The following CTIF variants were observed in gnomAD, a reference collection of about 807,000 sequenced individuals.
CTIF encodes the protein cap binding complex dependent translation initiation factor.
Under a neutral mutation model 66.0 loss-of-function variants are expected in CTIF, and 21 were observed. That is an observed-to-expected ratio of 0.32 (90% CI 0.23 to 0.46). CTIF has a LOEUF of 0.46. Ranked by LOEUF, CTIF falls within the 20% of genes least tolerant of loss-of-function variation. The probability of loss-of-function intolerance (pLI) is 1.00; values close to 1 mark genes in which losing one functional copy is unlikely to be tolerated. For missense variants in CTIF, 739 were observed against 812.7 expected, an observed-to-expected ratio of 0.91 and a Z score of 1.10; for synonymous variants, 345 against 326.4, an observed-to-expected ratio of 1.06 and a Z score of -0.62.
At position 48,857,658 on chromosome 18, in the gene CTIF, C is replaced by T. The variant is rs373878115; in HGVS notation, c.1581+17C>T. On this transcript the variant is annotated intron_variant, in intron 11 of 11. Transcript: ENST00000256413. ...TCTATGGAGGTAAGCTTTGGGGCTT[C>T]GACATCCCCAACCTCAAAGCCGGTG... 2.0e-4 allele frequency: 321 copies of T among 1,596,514 alleles called. No homozygotes were observed. The African/African-American group carries it at 3.7e-3, about 18-fold the overall frequency.
chr18:48,578,688 T>C (rs2143772135), intron 1 of CTIF, among the ~76,000 whole-genome samples: 1 of 152,348 alleles, frequency 6.6e-6, no homozygotes, highest in Non-Finnish European at 1.5e-5. Flanking sequence ...AACTTTTAGT[T>C]TGGTTATTTG....
chr18:48,708,819 C>G (rs972206896), intron 6 of CTIF, among the ~76,000 whole-genome samples: 2 of 152,220 alleles, frequency 1.3e-5, no homozygotes, highest in Non-Finnish European at 2.9e-5. Flanking sequence ...TGTCTTCCTT[C>G]CATGGCCTGA....
chr18:48,646,109 A>T (rs999973807), intron 3 of CTIF, among the ~76,000 whole-genome samples: 6 of 152,214 alleles, frequency 3.9e-5, no homozygotes, highest in Non-Finnish European at 8.8e-5. Context: ...GAAGGACCCT[A>T]TTAAGAGGAT....
At chr18:48,645,526 C>T (rs1365886940) in intron 3 of CTIF, among the ~76,000 whole-genome samples, 1 of 152,168 alleles carries the variant, frequency 6.6e-6, no homozygotes, top group Non-Finnish European at 1.5e-5. Flanking sequence ...GGCTCCAACC[C>T]CCTACCAGAG....
chr18:48,566,633 G>A (rs573834833), intron 1 of CTIF: 1 of 152,334 alleles, frequency 6.6e-6, no homozygotes, highest in Non-Finnish European at 1.5e-5. Context: ...ACAGCTTGCT[G>A]CCGATGTCCC....
chr18:48,815,867 G>T (rs2068352016), intron 9 of CTIF, among the ~76,000 whole-genome samples: 1 of 152,164 alleles, frequency 6.6e-6, no homozygotes, highest in Non-Finnish European at 1.5e-5. Flanking sequence ...TTCTATTTTG[G>T]TGGTGACACA....
intron 3 of CTIF, among the ~76,000 whole-genome samples, chr18:48,658,738 G>A (rs2091288937): frequency 1.3e-5 from 2 of 152,108 alleles, no homozygotes; most frequent in Admixed American, 1.3e-4. Flanking sequence ...GTATGCATAT[G>A]CGGCCCTGTG....
intron 1 of CTIF, 119 bp from the exon 2 acceptor site, chr18:48,619,419 A>G (rs2090452673): frequency 1.5e-6 from 1 of 647,040 alleles, no homozygotes. Flanking sequence ...TTGTTGGAAG[A>G]ACAGAACGCC....
Position 48,761,558 on chromosome 18 carries a change from G to C in CTIF, c.1240G>C (p.Val414Leu), listed in dbSNP as rs765494919. ...CTCCGAGGAGATGCTGGGCGAGATCGTGCGCACAATCTACCAGAAGGCTGT... is the reference window on the plus strand; with the variant it reads ...CTCCGAGGAGATGCTGGGCGAGATCCTGCGCACAATCTACCAGAAGGCTGT... ...TNSEEMLGEIVRTIYQKAVSD... is the reference protein window; with the variant it reads ...TNSEEMLGEILRTIYQKAVSD... Residue 414 changes from valine (V) to leucine (L), a missense_variant, in exon 9 of 12, where the codon GTG (valine) becomes CTG (leucine). Val to Leu is a conservative substitution (Grantham distance 32). Transcript: ENST00000256413. This position sits in a 1 kb window ranked among gnomAD's most constrained non-coding sequence, Gnocchi z 4.2. 4.3e-6 allele frequency: 7 copies of C among 1,614,176 alleles called. No individual in the cohort carries two copies.
chr18:48,629,737 C>T (rs1337753379), intron 2 of CTIF, among the ~76,000 whole-genome samples: 1 of 151,872 alleles, frequency 6.6e-6, no homozygotes. Flanking sequence ...ATCCCTATTT[C>T]TGTCCTTTGC....
Position 48,842,535 on chromosome 18 carries a change from C to T in CTIF, c.1528-15053C>T, listed in dbSNP as rs577800709. Among the ~76,000 whole-genome samples the T allele has an allele frequency of 1.0e-4, 14 of 134,226 alleles. 1 individual carries two copies. The East Asian group carries it at 2.8e-3, about 27-fold the overall frequency. The allele number at this position is 134,226 out of a possible 152,430, so 88.1% of individuals were successfully genotyped here. On this transcript the variant is annotated intron_variant, in intron 10 of 11. Transcript: ENST00000256413. ...CACAGTGTTCCCAGGATTAATGTTC[C>T]GCCTCAGAAGAGCAGCCTACCCCCA...
chr18:48,835,022 G>A (rs1167380083), intron 10 of CTIF, among the ~76,000 whole-genome samples: 1 of 152,266 alleles, frequency 6.6e-6, no homozygotes, highest in Non-Finnish European at 1.5e-5. Context: ...AAAAAGGAAA[G>A]AACCAAGGTT....
chr18:48,793,285 C>T (rs909562742), intron 9 of CTIF, among the ~76,000 whole-genome samples: 2 of 152,208 alleles, frequency 1.3e-5, no homozygotes, highest in African/African-American at 2.4e-5. Context: ...ACCCCACCCC[C>T]TCTAAGTCTC....
chr18:48,701,762 A>T (rs1328023850), intron 6 of CTIF, among the ~76,000 whole-genome samples: 1 of 152,238 alleles, frequency 6.6e-6, no homozygotes, highest in African/African-American at 2.4e-5. Flanking sequence ...ATTAATAAGT[A>T]AATGTCATTT....
At chr18:48,636,736 C>A in intron 3 of CTIF, 51 bp downstream of exon 3, 1 of 1,417,146 alleles carries the variant, frequency 7.1e-7, no homozygotes, top group Non-Finnish European at 9.4e-7. Flanking sequence ...GTCTTGTCTG[C>A]CTGGGTTCCT....
intron 1 of CTIF, among the ~76,000 whole-genome samples, chr18:48,617,212 C>T (rs971291738): frequency 3.3e-5 from 5 of 152,208 alleles, no homozygotes; most frequent in Non-Finnish European, 7.3e-5. Flanking sequence ...TGCCCACATG[C>T]CTTACCATGT....
chr18:48,786,610 G>A (rs576702533), intron 9 of CTIF, among the ~76,000 whole-genome samples: 344 of 152,294 alleles, frequency 2.3e-3, no homozygotes, highest in Middle Eastern at 3.4e-3. Flanking sequence ...GACTGTGAAC[G>A]TGCAGTTCAT....
At chr18:48,817,173 C>T in intron 9 of CTIF, 48 bp from the exon 10 acceptor site, 1 of 1,579,840 alleles carries the variant, frequency 6.3e-7, no homozygotes, top group South Asian at 1.2e-5. Context: ...GGCACCCAGG[C>T]CCCTCCCCAG....
chr18:48,650,773 C>G (rs1332802927), intron 3 of CTIF, among the ~76,000 whole-genome samples: 1 of 152,180 alleles, frequency 6.6e-6, no homozygotes. Flanking sequence ...AACAGCAGAT[C>G]TCTTGGCAGA....
Sources: gnomAD v4.1 joint callset for allele counts (sites outside exome capture counted in the v4.1 genomes callset) on GRCh38, gnomAD v4.1.1 for gene constraint, Gnocchi (gnomAD v3.1) non-coding constraint, MANE v1.5 for transcripts, NCBI Gene and HGNC (gene_info 2026-07-23, HGNC 2026-07-21) for gene names.